DNAH9: variants seen among roughly 807,000 people sequenced by gnomAD.
DNAH9 encodes the protein dynein axonemal heavy chain 9, also known as DNAH9 variant protein.
In DNAH9, 345 loss-of-function variants were observed where a neutral mutation model predicts 471.6. The observed-to-expected ratio is 0.73, with a 90% confidence interval of 0.67 to 0.80. The LOEUF (loss-of-function observed/expected upper bound fraction) is 0.80, where lower values mean the gene tolerates loss of function less well. DNAH9 is among the 30% of genes least tolerant of loss of function. The pLI is 0.00. For missense variants in DNAH9, 5,407 were observed against 5,609.2 expected (o/e 0.96, Z 1.15); for synonymous variants, 2,093 against 2,123.6 (o/e 0.99, Z 0.40).
chr17:11,710,911 C>T (rs1446655744), intron 26 of DNAH9, among the ~76,000 whole-genome samples: 1 of 152,146 alleles, frequency 6.6e-6, no homozygotes, highest in East Asian at 1.9e-4. Context: ...GAAAATGAGT[C>T]CAGCTTGCTG....
chr17:11,881,630 C>A (rs150701904), intron 55 of DNAH9, among the ~76,000 whole-genome samples: 1 of 152,040 alleles, frequency 6.6e-6, no homozygotes, highest in Non-Finnish European at 1.5e-5. Context: ...GTTTGAAGGC[C>A]GGGCATGGTG....
chr17:11,774,081 A>C (rs1415619264), intron 38 of DNAH9, among the ~76,000 whole-genome samples: 1 of 152,194 alleles, frequency 6.6e-6, no homozygotes, highest in Non-Finnish European at 1.5e-5. Flanking sequence ...GGTTGCAGTG[A>C]GCCAAGATCA....
At chr17:11,668,080 C>G (rs2073905621) in intron 15 of DNAH9, among the ~76,000 whole-genome samples, 1 of 152,160 alleles carries the variant, frequency 6.6e-6, no homozygotes. Context: ...ACATCTTGCT[C>G]TGTGTTGTAT....
At chr17:11,859,842 C>T (rs73980519) in intron 50 of DNAH9, among the ~76,000 whole-genome samples, 3,404 of 152,202 alleles carry the variant, frequency 0.022, 128 homozygotes, top group African/African-American at 0.077. Context: ...ATGAAAGACC[C>T]GCCCCCATGA....
At position 11,793,649 on chromosome 17, in the gene DNAH9, C is replaced by T. The variant is rs771064699; in HGVS notation, c.8208C>T (p.Leu2736=). The T allele has an allele frequency of 1.2e-6, 2 of 1,609,308 alleles. No individual in the cohort carries two copies. The highest frequency in any genetic ancestry group is 3.4e-5 in the Admixed American group (2 of 59,308). The change falls in exon 42 of 69, where the codon CTC becomes CTT. Residue 2736 remains leucine (L), a synonymous_variant. Coordinates refer to ENST00000262442, the MANE Select transcript of DNAH9 (RefSeq NM_001372.4). ...TTGATAAAATCCAGACAGAAGTGCTCAAGAAAACTTTTGATGTGAGTATTG... is the reference window on the plus strand; with the variant it reads ...TTGATAAAATCCAGACAGAAGTGCTTAAGAAAACTTTTGATGTGAGTATTG... ...DLFDKIQTEV[L]KKTFDDIEDP...
rs71142258 is a variant in DNAH9 at position 11,952,139 on chromosome 17, CTTT to C, written c.12843+9672_12843+9674del. Among the ~76,000 whole-genome samples, 115 of 101,966 alleles carry C rather than the reference CTTT, an allele frequency of 1.1e-3. 1 individual carries two copies. The highest frequency in any genetic ancestry group is 2.8e-3 in the South Asian group (8 of 2,868). The allele number at this position is 101,966 out of a possible 152,430, so 66.9% of individuals were successfully genotyped here. On this transcript the variant is annotated intron_variant, in intron 67 of 68. Coordinates refer to ENST00000262442, the MANE Select transcript of DNAH9 (RefSeq NM_001372.4). ...GTATGTTTTTGCCAAAGCTATATTACTTTTTTTTTTTTTTTTTTTTGACAGAGT... is the reference window on the plus strand; with the variant it reads ...GTATGTTTTTGCCAAAGCTATATTACTTTTTTTTTTTTTTTTTGACAGAGT...
intron 63 of DNAH9, among the ~76,000 whole-genome samples, chr17:11,930,369 TGAA>T (rs1294646362): frequency 6.6e-6 from 1 of 152,080 alleles, no homozygotes; most frequent in East Asian, 1.9e-4. Context: ...TATTCCAAGA[TGAA>T]GAAGGGCACG....
At chr17:11,624,959 A>G (rs535744460) in intron 6 of DNAH9, among the ~76,000 whole-genome samples, 2 of 152,306 alleles carry the variant, frequency 1.3e-5, no homozygotes, top group South Asian at 2.1e-4. Context: ...AGAAAATCCC[A>G]GAAGTATATA....
intron 24 of DNAH9, among the ~76,000 whole-genome samples, chr17:11,702,718 G>A (rs910123034): frequency 6.6e-6 from 1 of 152,168 alleles, no homozygotes; most frequent in African/African-American, 2.4e-5. Flanking sequence ...AAGGTTCATG[G>A]ATAAACTTGG....
rs1358524385 is a variant in DNAH9 at position 11,809,461 on chromosome 17, G to A, written c.8584-785G>A. On this transcript the variant is annotated intron_variant, in intron 44 of 68. Transcript: ENST00000262442. Reference sequence around the variant, plus strand: ...ACGCACCTGTAGATGCAGCTACTTGGGAGGCTGAGGCAGGAGAATCCCTTG... The same window carrying A: ...ACGCACCTGTAGATGCAGCTACTTGAGAGGCTGAGGCAGGAGAATCCCTTG... Among the ~76,000 whole-genome samples, 6 of 152,100 alleles carry A rather than the reference G, an allele frequency of 3.9e-5. No homozygotes were observed. In the East Asian group the frequency reaches 5.8e-4, roughly 15 times the overall value.
intron 61 of DNAH9, among the ~76,000 whole-genome samples, chr17:11,921,057 C>T (rs1974121011): frequency 6.6e-6 from 1 of 151,826 alleles, no homozygotes; most frequent in Non-Finnish European, 1.5e-5. Context: ...AGGAGGATCG[C>T]TTGAATCTGA....
chr17:11,690,433 C>T lies in DNAH9; in HGVS notation c.4611C>T (p.Pro1537=), dbSNP rs751290957. The T allele has an allele frequency of 1.2e-6, 2 of 1,612,158 alleles. No individual in the cohort carries two copies. The highest frequency in any genetic ancestry group is 2.2e-5 in the South Asian group (2 of 90,924). Residue 1537 remains proline (P), a synonymous_variant, in exon 20 of 69, where the codon CCC becomes CCT. Coordinates refer to ENST00000262442, the MANE Select transcript of DNAH9 (RefSeq NM_001372.4). The part of the protein sequence containing the change: ...TGSEDIRAQL[P]QDSKRFEGID... ...CTGAAGATATTCGGGCACAGCTACC[C>T]CAGGTACCTGCTAAGGAAATCTAGA...
intron 38 of DNAH9, among the ~76,000 whole-genome samples, chr17:11,774,826 A>C (rs2150885670): frequency 6.6e-6 from 1 of 152,064 alleles, no homozygotes; most frequent in Non-Finnish European, 1.5e-5. Context: ...AGGCAGCATA[A>C]TCTTTTTACA....
chr17:11,639,515 G>A (rs1367162640), intron 9 of DNAH9, among the ~76,000 whole-genome samples: 1 of 152,188 alleles, frequency 6.6e-6, no homozygotes, highest in Non-Finnish European at 1.5e-5. Context: ...CGAGTCCAGG[G>A]CTCCATAATC....
chr17:11,656,324 G>T (rs539071762), intron 14 of DNAH9, among the ~76,000 whole-genome samples: 3 of 152,130 alleles, frequency 2.0e-5, no homozygotes, highest in Non-Finnish European at 4.4e-5. Context: ...GTGATGTTGA[G>T]AATTTTTTCA....
chr17:11,678,214 T>C (rs2074079421), intron 17 of DNAH9, among the ~76,000 whole-genome samples: 1 of 152,094 alleles, frequency 6.6e-6, no homozygotes, highest in South Asian at 2.1e-4. Context: ...CAGGCCACCA[T>C]GCCTGGCTAG....
chr17:11,812,239 C>G (rs1469102623), intron 45 of DNAH9, among the ~76,000 whole-genome samples: 1 of 150,954 alleles, frequency 6.6e-6, no homozygotes, highest in Non-Finnish European at 1.5e-5. Context: ...TACAAATGTT[C>G]CTGAACAAAA....
chr17:11,641,397 A>G (rs2073269081), intron 10 of DNAH9, among the ~76,000 whole-genome samples: 1 of 152,150 alleles, frequency 6.6e-6, no homozygotes, highest in African/African-American at 2.4e-5. Flanking sequence ...TCTGTGCAGA[A>G]CTAACAAAGC....
chr17:11,613,378 T>C (rs2072676839), intron 4 of DNAH9, among the ~76,000 whole-genome samples: 1 of 152,110 alleles, frequency 6.6e-6, no homozygotes, highest in African/African-American at 2.4e-5. Context: ...TCCCAGCACT[T>C]TGGGAGGCCG....
Sources: allele counts gnomAD v4.1 joint callset (sites outside exome capture counted in the v4.1 genomes callset), GRCh38; gene constraint gnomAD v4.1.1; transcripts MANE v1.5; gene names NCBI Gene and HGNC (gene_info 2026-07-23, HGNC 2026-07-21).